The following NT5DC3 variants were observed in gnomAD, a reference collection of about 807,000 sequenced individuals.
NT5DC3 encodes 5'-nucleotidase domain containing 3.
In NT5DC3, 42 loss-of-function variants were observed where a neutral mutation model predicts 67.8. The ratio of observed to expected loss-of-function variants is 0.62; its 90% CI spans 0.48 to 0.80. NT5DC3 has a LOEUF of 0.80. NT5DC3 is among the 30% of genes least tolerant of loss of function. NT5DC3 has a pLI of 0.00. For synonymous variants in NT5DC3, 237 were observed against 255.6 expected (o/e 0.93, Z 0.69); for missense variants, 570 against 696.4 (o/e 0.82, Z 2.04).
intron 1 of NT5DC3, among the ~76,000 whole-genome samples, chr12:103,824,093 C>A (rs1448155497): frequency 1.3e-5 from 2 of 152,220 alleles, no homozygotes; most frequent in Non-Finnish European, 2.9e-5. Flanking sequence ...GTATGTTACA[C>A]TCAGTGCCAA....
downstream of NT5DC3, chr12:103,766,280 T>C: frequency 1.2e-6 from 2 of 1,612,362 alleles, no homozygotes; most frequent in Non-Finnish European, 1.7e-6. Context: ...ACCCTCTCTT[T>C]TCCAGGACTC....
chr12:103,763,833 G>A, the NT5DC3 span: 1 of 449,588 alleles, frequency 2.2e-6, no homozygotes, highest in Admixed American at 3.9e-5. Flanking sequence ...AACAAACAGA[G>A]ACAGGCGAGA....
chr12:103,810,064 C>A (rs1886964799), intron 2 of NT5DC3, among the ~76,000 whole-genome samples: 1 of 150,862 alleles, frequency 6.6e-6, no homozygotes, highest in Non-Finnish European at 1.5e-5. Flanking sequence ...CAGTGCCTGG[C>A]ACATGGGAAG....
chr12:103,766,048 G>GTTGGGATGAT, downstream of NT5DC3: 1 of 665,076 alleles, frequency 1.5e-6, no homozygotes, highest in South Asian at 1.5e-5. Flanking sequence ...CTGCAGCCGA[G>GTTGGGATGAT]TTGGGATGAT....
At chr12:103,840,734 G>A (rs192506732) in intron 1 of NT5DC3, among the ~76,000 whole-genome samples, 1 of 152,098 alleles carries the variant, frequency 6.6e-6, no homozygotes, top group Non-Finnish European at 1.5e-5. Context: ...GGAAAGGCGC[G>A]AGTTGTGAAG....
chr12:103,789,210 G>A (rs1885931642), intron 9 of NT5DC3, among the ~76,000 whole-genome samples: 1 of 152,120 alleles, frequency 6.6e-6, no homozygotes, highest in African/African-American at 2.4e-5. Flanking sequence ...AATCACCTGA[G>A]GTCAGGAGTT....
intron 9 of NT5DC3, among the ~76,000 whole-genome samples, chr12:103,789,509 TA>T (rs1352532058): frequency 6.6e-6 from 1 of 152,202 alleles, no homozygotes; most frequent in Non-Finnish European, 1.5e-5. Context: ...ATGTCCCTCT[TA>T]AAAAGCTATT....
rs534475248 is a variant in NT5DC3, at chr12:103,840,421, A to ATCTCC, written c.208+527_208+528insGGAGA. 4.9e-5 allele frequency among the ~76,000 whole-genome samples: 7 copies of ATCTCC among 142,922 alleles called. No homozygotes were observed. The South Asian group carries it at 6.6e-4, about 14-fold the overall frequency. The allele number at this position is 142,922 out of a possible 152,430, so 93.8% of individuals were successfully genotyped here. A position where few individuals can be genotyped will look rare whatever the true frequency, so the allele number is the denominator to read the frequency against. ...ATCTCATCTCATCTCATCTCATCTC[A>ATCTCC]TTCCATCCCATTCCATCCCATCCCA... is the stretch of plus-strand genomic sequence containing the variant. On this transcript the variant is annotated intron_variant, in intron 1 of 13. Transcript: ENST00000392876.
chr12:103,816,491 T>C (rs567378875), intron 1 of NT5DC3, among the ~76,000 whole-genome samples: 99 of 152,248 alleles, frequency 6.5e-4, no homozygotes, highest in Non-Finnish European at 1.2e-3. Flanking sequence ...TCAGATGGGT[T>C]TGTAGACGTG....
At chr12:103,790,594 G>A (rs1355945587) in intron 9 of NT5DC3, among the ~76,000 whole-genome samples, 1 of 151,876 alleles carries the variant, frequency 6.6e-6, no homozygotes, top group Admixed American at 6.6e-5. Context: ...ATGTAGCCCA[G>A]GGTGGTCTCA....
chr12:103,827,673 G>C (rs1011128582), intron 1 of NT5DC3, among the ~76,000 whole-genome samples: 2 of 152,110 alleles, frequency 1.3e-5, no homozygotes, highest in Non-Finnish European at 2.9e-5. Flanking sequence ...AAGTGAAAAA[G>C]AGTTACTCAA....
Position 103,776,515 on chromosome 12 carries a change from A to G in NT5DC3, c.*1314T>C, listed in dbSNP as rs1368338898. On this transcript the variant is annotated 3_prime_UTR_variant, in exon 14 of 14. Coordinates refer to ENST00000392876, the MANE Select transcript of NT5DC3 (RefSeq NM_001031701.3). ...GGTTGCAGTGAGCTGAGATTGTGCC[A>G]CTGCACTCCAGCCTGGGCAATAAGA... The G allele has an allele frequency of 3.9e-5, 6 of 152,238 alleles. No homozygotes were observed. Among genetic ancestry groups the G allele is most frequent in the Non-Finnish European group, 7.3e-5 (5 of 68,074 alleles). The allele number at this position is 152,238 out of a possible 1,614,324, so 9.4% of individuals were successfully genotyped here. A position where few individuals can be genotyped will look rare whatever the true frequency, so the allele number is the denominator to read the frequency against.
chr12:103,764,482 C>G, the NT5DC3 span, among the ~76,000 whole-genome samples: 1 of 152,134 alleles, frequency 6.6e-6, no homozygotes, highest in South Asian at 2.1e-4. Flanking sequence ...AGGGGGACCC[C>G]TTGGCAGGGT....
the NT5DC3 span, chr12:103,746,722 A>G: frequency 3.1e-6 from 5 of 1,611,664 alleles, no homozygotes; most frequent in South Asian, 3.3e-5. Context: ...ACCTTTGTGC[A>G]CAGGTGAAAT....
the NT5DC3 span, chr12:103,749,229 C>T: frequency 6.9e-7 from 1 of 1,450,554 alleles, no homozygotes; most frequent in African/African-American, 1.4e-5. Flanking sequence ...TTCCACCTCC[C>T]ATACTCTGCT....
Position 103,785,484 on chromosome 12 carries a change from A to G in NT5DC3, c.1189-9T>C, listed in dbSNP as rs1430422020. 1.2e-6 allele frequency: 2 copies of G among 1,613,840 alleles called. No homozygotes were observed. The highest frequency in any genetic ancestry group is 2.7e-5 in the African/African-American group (2 of 74,936). On this transcript the variant is annotated splice_polypyrimidine_tract_variant and intron_variant, in intron 11 of 13. Coordinates refer to ENST00000392876, the MANE Select transcript of NT5DC3 (RefSeq NM_001031701.3). ...TGCTTTAGGGTCAAATCCTGATCACAAAGATCACGAAAAGTCAACGTCAGT... is the reference window on the plus strand; with the variant it reads ...TGCTTTAGGGTCAAATCCTGATCACGAAGATCACGAAAAGTCAACGTCAGT...
the NT5DC3 span, chr12:103,755,289 TGTATCC>T: frequency 2.5e-6 from 4 of 1,613,068 alleles, no homozygotes; most frequent in Admixed American, 3.3e-5. Context: ...TGGCCCTGTC[TGTATCC>T]CTGCAGGCCA....
At chr12:103,830,741 T>A (rs1002134075) in intron 1 of NT5DC3, among the ~76,000 whole-genome samples, 2 of 152,220 alleles carry the variant, frequency 1.3e-5, no homozygotes, top group Non-Finnish European at 2.9e-5. Flanking sequence ...TGTCTGATCA[T>A]TTTAGTAGTT....
At chr12:103,821,321 A>G (rs1312547516) in intron 1 of NT5DC3, among the ~76,000 whole-genome samples, 2 of 152,156 alleles carry the variant, frequency 1.3e-5, no homozygotes, top group South Asian at 2.1e-4. Context: ...AACCTTCAAT[A>G]CCATGATTTT....
Sources: gnomAD v4.1 joint callset for allele counts (sites outside exome capture counted in the v4.1 genomes callset) on GRCh38, gnomAD v4.1.1 for gene constraint, MANE v1.5 for transcripts, NCBI Gene and HGNC (gene_info 2026-07-23, HGNC 2026-07-21) for gene names.